Variants in ANO4 observed in about 807,000 individuals in gnomAD.
ANO4 encodes anoctamin 4, also known as anoctamin-4.
In ANO4, 69 loss-of-function variants were observed where a neutral mutation model predicts 141.9. The ratio of observed to expected loss-of-function variants is 0.49; its 90% CI spans 0.40 to 0.59. The LOEUF (loss-of-function observed/expected upper bound fraction) is 0.59. ANO4 is among the 20% of genes least tolerant of loss of function. The pLI is 0.00. For missense variants in ANO4, 894 were observed against 1,162.2 expected, an observed-to-expected ratio of 0.77 and a Z score of 3.36; for synonymous variants, 350 against 394.3, an observed-to-expected ratio of 0.89 and a Z score of 1.33.
chr12:101,027,900 C>G (rs1343740863), intron 9 of ANO4, among the ~76,000 whole-genome samples: 1 of 151,962 alleles, frequency 6.6e-6, no homozygotes, highest in Non-Finnish European at 1.5e-5. Context: ...TGTCAGATAC[C>G]CTATACAGGA....
At chr12:101,127,120 A>G (rs1159433849) in intron 27 of ANO4, 46 bp downstream of exon 27, 2 of 1,553,234 alleles carry the variant, frequency 1.3e-6, no homozygotes, top group East Asian at 2.3e-5. Flanking sequence ...CCGAGGTTGA[A>G]TGGGTGCTTT....
At chr12:101,084,149 T>A (rs1057329527) in intron 16 of ANO4, among the ~76,000 whole-genome samples, 1 of 152,222 alleles carries the variant, frequency 6.6e-6, no homozygotes, top group Admixed American at 6.5e-5. Flanking sequence ...GGATGTACAG[T>A]AGTGTTTTTC....
At chr12:100,913,464 G>A (rs1321572551) in intron 2 of ANO4, among the ~76,000 whole-genome samples, 4 of 152,154 alleles carry the variant, frequency 2.6e-5, no homozygotes, top group Non-Finnish European at 5.9e-5. Context: ...CTGAGAGAAA[G>A]ACAGAAATTG....
chr12:100,961,148 AT>A (rs2043400950), intron 5 of ANO4, among the ~76,000 whole-genome samples: 1 of 152,182 alleles, frequency 6.6e-6, no homozygotes, highest in Non-Finnish European at 1.5e-5. Context: ...CGAGGGTCCA[AT>A]TAGGGCCTAT....
intron 2 of ANO4, among the ~76,000 whole-genome samples, chr12:100,914,287 C>T (rs1221209217): frequency 6.6e-6 from 1 of 152,170 alleles, no homozygotes; most frequent in African/African-American, 2.4e-5. Flanking sequence ...CATTTTAGAC[C>T]TGAGAAATAT....
intron 1 of ANO4, among the ~76,000 whole-genome samples, chr12:100,875,276 G>A (rs969971514): frequency 6.6e-6 from 1 of 152,060 alleles, no homozygotes; most frequent in Non-Finnish European, 1.5e-5. Context: ...GTGAGTTCTC[G>A]TGAGATCTGG....
intron 5 of ANO4, among the ~76,000 whole-genome samples, chr12:100,964,697 G>A (rs1213091782): frequency 6.6e-6 from 1 of 152,106 alleles, no homozygotes; most frequent in East Asian, 1.9e-4. Context: ...CAGGGCCTTT[G>A]TCTTCTACTC....
chr12:100,845,437 C>T (rs769913577), intron 1 of ANO4, among the ~76,000 whole-genome samples: 3 of 152,164 alleles, frequency 2.0e-5, no homozygotes, highest in Non-Finnish European at 4.4e-5. Context: ...TTAGGACAAT[C>T]TCTCTTCCTC....
chr12:100,961,026 A>C (rs2043396506), intron 5 of ANO4, among the ~76,000 whole-genome samples: 1 of 152,226 alleles, frequency 6.6e-6, no homozygotes, highest in African/African-American at 2.4e-5. Flanking sequence ...AATAGATAGT[A>C]GACCAACCTC....
At chr12:101,058,214 G>A (rs2048204746) in intron 14 of ANO4, among the ~76,000 whole-genome samples, 1 of 152,118 alleles carries the variant, frequency 6.6e-6, no homozygotes, top group Non-Finnish European at 1.5e-5. Flanking sequence ...CTGTTCCATT[G>A]GTCTATATGT....
chr12:100,969,006 C>T (rs2043803376), intron 5 of ANO4, among the ~76,000 whole-genome samples: 1 of 152,174 alleles, frequency 6.6e-6, no homozygotes, highest in South Asian at 2.1e-4. Flanking sequence ...AAAGCATTGG[C>T]CATCAAATTT....
intron 22 of ANO4, among the ~76,000 whole-genome samples, chr12:101,103,835 C>T (rs1332402595): frequency 6.6e-6 from 1 of 151,886 alleles, no homozygotes; most frequent in Non-Finnish European, 1.5e-5. Flanking sequence ...GAAGAATTTA[C>T]AATGAAGTAG....
At chr12:101,097,528 C>A in intron 19 of ANO4, 123 bp from the exon 20 acceptor site, 1 of 909,568 alleles carries the variant, frequency 1.1e-6, no homozygotes, top group Non-Finnish European at 1.7e-6. Flanking sequence ...TTTCCTAATT[C>A]CCCCAGACCT....
At chr12:101,034,055 C>G (rs1248278547) in intron 9 of ANO4, among the ~76,000 whole-genome samples, 1 of 152,074 alleles carries the variant, frequency 6.6e-6, no homozygotes, top group African/African-American at 2.4e-5. Flanking sequence ...GTAAATTACC[C>G]CAGCCATTGT....
chr12:100,960,061 C>T (rs796811935), intron 5 of ANO4, among the ~76,000 whole-genome samples: 25 of 152,222 alleles, frequency 1.6e-4, no homozygotes, highest in African/African-American at 6.0e-4. Flanking sequence ...AAATCACACA[C>T]CAGACTTCAA....
At chr12:100,947,462 G>A (rs2042774541) in intron 5 of ANO4, among the ~76,000 whole-genome samples, 1 of 152,126 alleles carries the variant, frequency 6.6e-6, no homozygotes, top group Admixed American at 6.6e-5. Flanking sequence ...TACCTTCTCA[G>A]TCCCACTCAA....
At chr12:100,717,950 T>C (rs2030688784) in intron 1 of ANO4, among the ~76,000 whole-genome samples, 1 of 152,216 alleles carries the variant, frequency 6.6e-6, no homozygotes. Flanking sequence ...ATTTAAACTT[T>C]TCAGCCTCTG....
intron 1 of ANO4, among the ~76,000 whole-genome samples, chr12:100,873,916 C>T (rs76159238): frequency 0.029 from 4,399 of 152,290 alleles, 86 homozygotes; most frequent in East Asian, 0.088. Flanking sequence ...GGGCCCAGGG[C>T]CCCGCTGACC....
chr12:100,943,128 A>C (rs1666288089), intron 5 of ANO4, among the ~76,000 whole-genome samples: 1 of 152,184 alleles, frequency 6.6e-6, no homozygotes. Context: ...GGCAGAACTA[A>C]GTAAGGAATG....
Sources: allele counts gnomAD v4.1 joint callset (sites outside exome capture counted in the v4.1 genomes callset), GRCh38; gene constraint gnomAD v4.1.1; transcripts MANE v1.5; gene names NCBI Gene and HGNC (gene_info 2026-07-23, HGNC 2026-07-21).